Variants in CADPS2 observed in about 807,000 individuals in gnomAD.
CADPS2 encodes the protein calcium dependent secretion activator 2.
Under a neutral mutation model 172.5 loss-of-function variants are expected in CADPS2, and 93 were observed. The observed-to-expected ratio is 0.54, with a 90% CI of 0.46 to 0.64. CADPS2 has a LOEUF of 0.64. CADPS2 is among the 30% of genes least tolerant of loss of function. The pLI, the probability that CADPS2 is intolerant of heterozygous loss-of-function variation, is 0.00. For missense variants in CADPS2, 1,420 were observed against 1,565.9 expected, an observed-to-expected ratio of 0.91 and a Z score of 1.57; for synonymous variants, 546 against 555.2, an observed-to-expected ratio of 0.98 and a Z score of 0.23.
intron 2 of CADPS2, chr7:122,702,259 C>T: frequency 6.2e-7 from 1 of 1,613,820 alleles, no homozygotes; most frequent in Non-Finnish European, 8.5e-7. Flanking sequence ...GAATCGAGTG[C>T]AAAATTTCCA....
intron 3 of CADPS2, among the ~76,000 whole-genome samples, chr7:122,645,416 T>A (rs2078306100): frequency 1.1e-5 from 1 of 88,498 alleles, no homozygotes; most frequent in African/African-American, 3.7e-5. Context: ...TATACACACA[T>A]GTATATGTGT....
chr7:122,728,447 A>G (rs2091318168), intron 2 of CADPS2, among the ~76,000 whole-genome samples: 1 of 151,890 alleles, frequency 6.6e-6, no homozygotes, highest in South Asian at 2.1e-4. Flanking sequence ...AAATTGGAGT[A>G]GATATTCCCA....
chr7:122,515,446 G>T (rs946849931), intron 8 of CADPS2, among the ~76,000 whole-genome samples: 2 of 151,994 alleles, frequency 1.3e-5, no homozygotes, highest in South Asian at 4.2e-4. Flanking sequence ...TTATTTCAGG[G>T]TTAACAGCAA....
At chr7:122,325,907 C>T (rs1285774122) in intron 28 of CADPS2, among the ~76,000 whole-genome samples, 1 of 151,892 alleles carries the variant, frequency 6.6e-6, no homozygotes, top group East Asian at 1.9e-4. Flanking sequence ...ATCCTAAATA[C>T]ATGTTATAGG....
At chr7:122,691,805 C>T (rs1247031729) in intron 2 of CADPS2, among the ~76,000 whole-genome samples, 1 of 152,180 alleles carries the variant, frequency 6.6e-6, no homozygotes, top group East Asian at 1.9e-4. Context: ...GACAGCACAG[C>T]TGTCAAGCTG....
chr7:122,871,176 A>G (rs908901642), intron 1 of CADPS2, among the ~76,000 whole-genome samples: 2 of 151,348 alleles, frequency 1.3e-5, no homozygotes, highest in Middle Eastern at 3.4e-3. Context: ...AGATTGCCAC[A>G]GTGCTGGGAA....
chr7:122,818,604 T>C (rs540816656), intron 1 of CADPS2, among the ~76,000 whole-genome samples: 10 of 152,056 alleles, frequency 6.6e-5, no homozygotes, highest in East Asian at 1.9e-4. Context: ...GGCTGCTCCT[T>C]GCCAGGCCGA....
intron 8 of CADPS2, among the ~76,000 whole-genome samples, chr7:122,534,102 T>C (rs1465379276): frequency 1.3e-5 from 2 of 152,170 alleles, no homozygotes; most frequent in Admixed American, 6.6e-5. Flanking sequence ...GTGTATTACC[T>C]AATTTGCCAA....
chr7:122,616,514 G>A (rs2074945072), intron 5 of CADPS2, among the ~76,000 whole-genome samples: 1 of 151,968 alleles, frequency 6.6e-6, no homozygotes, highest in South Asian at 2.1e-4. Context: ...AAAATATATA[G>A]GAAACTGATC....
At chr7:122,369,895 T>G (rs1000645263) in intron 25 of CADPS2, 1 of 152,290 alleles carries the variant, frequency 6.6e-6, no homozygotes, top group Non-Finnish European at 1.5e-5. Flanking sequence ...AATCTTCTTA[T>G]AATGCAAATC....
chr7:122,363,460 A>G (rs1187118740), intron 25 of CADPS2, among the ~76,000 whole-genome samples: 1 of 152,008 alleles, frequency 6.6e-6, no homozygotes, highest in Admixed American at 6.6e-5. Flanking sequence ...TTGCTGAGGG[A>G]CAAAGCAAGA....
chr7:122,771,122 C>A (rs1262629029), intron 1 of CADPS2, among the ~76,000 whole-genome samples: 1 of 152,128 alleles, frequency 6.6e-6, no homozygotes, highest in East Asian at 1.9e-4. Context: ...GCCTAGATAT[C>A]CTGGAATTTT....
intron 1 of CADPS2, among the ~76,000 whole-genome samples, chr7:122,761,299 G>A (rs143822294): frequency 6.6e-6 from 1 of 152,080 alleles, no homozygotes. Context: ...CTCATTCCTG[G>A]AACATGGGCA....
At chr7:122,766,011 C>T (rs892096393) in intron 1 of CADPS2, among the ~76,000 whole-genome samples, 1 of 152,062 alleles carries the variant, frequency 6.6e-6, no homozygotes, top group African/African-American at 2.4e-5. Context: ...TCTTGTGATT[C>T]TGGAGGTTGG....
intron 2 of CADPS2, among the ~76,000 whole-genome samples, chr7:122,717,763 T>C (rs1426725426): frequency 4.6e-5 from 7 of 152,078 alleles, no homozygotes; most frequent in Admixed American, 3.9e-4. Flanking sequence ...CAGAAAAATA[T>C]TGAAATACAA....
At chr7:122,702,354 G>T (rs894040844) in intron 2 of CADPS2, 2 of 1,613,802 alleles carry the variant, frequency 1.2e-6, no homozygotes, top group Non-Finnish European at 8.5e-7. Context: ...CCCGTACCTT[G>T]ATAGTTGTAG....
intron 11 of CADPS2, among the ~76,000 whole-genome samples, chr7:122,489,319 G>A (rs1486900316): frequency 6.6e-6 from 1 of 152,134 alleles, no homozygotes; most frequent in Non-Finnish European, 1.5e-5. Context: ...ATGTCAAGAT[G>A]TTATTCCCTT....
rs367812049 is a variant in CADPS2, at chr7:122,656,857, G to A, written c.786+6380C>T. Among the ~76,000 whole-genome samples the A allele has an allele frequency of 2.6e-4, 39 of 152,272 alleles. 1 individual carries two copies. The South Asian group carries it at 7.5e-3, about 29-fold the overall frequency. ...TTTGGCTTTTGACGCCATTGCTTCT[G>A]GTGTTTTAGACATGAAGTCCTTGCC... On this transcript the variant is annotated intron_variant, in intron 3 of 29. Transcript: ENST00000449022.
chr7:122,476,286 G>C (rs1436439959), intron 12 of CADPS2, among the ~76,000 whole-genome samples: 1 of 151,832 alleles, frequency 6.6e-6, no homozygotes, highest in South Asian at 2.1e-4. Flanking sequence ...TAAAAATAAT[G>C]CCCATTAATG....
Sources: allele counts gnomAD v4.1 joint callset (sites outside exome capture counted in the v4.1 genomes callset), GRCh38; gene constraint gnomAD v4.1.1; transcripts MANE v1.5; gene names NCBI Gene and HGNC (gene_info 2026-07-23, HGNC 2026-07-21).